DCLK1: variants seen among roughly 807,000 people sequenced by gnomAD.
The protein encoded by DCLK1 is doublecortin like kinase 1, also known as serine/threonine-protein kinase DCLK1.
DCLK1 carries 16 observed loss-of-function variants against 86.2 expected under a neutral mutation model. The ratio of observed to expected loss-of-function variants is 0.19; its 90% CI spans 0.13 to 0.28. DCLK1 has a LOEUF of 0.28. Ranked by LOEUF, DCLK1 falls within the 10% of genes least tolerant of loss-of-function variation. DCLK1 has a pLI of 1.00. For missense variants in DCLK1, 590 were observed against 940.2 expected, an observed-to-expected ratio of 0.63 and a Z score of 4.87; for synonymous variants, 369 against 370.5, an observed-to-expected ratio of 1.00 and a Z score of 0.05.
chr13:35,827,993 T>A (rs1178672285), intron 9 of DCLK1, among the ~76,000 whole-genome samples: 1 of 152,072 alleles, frequency 6.6e-6, no homozygotes, highest in Non-Finnish European at 1.5e-5. Context: ...TAGCAAAGAA[T>A]GGGATGAAAC....
chr13:36,035,934 C>T (rs1021306258), intron 3 of DCLK1, among the ~76,000 whole-genome samples: 66 of 152,082 alleles, frequency 4.3e-4, no homozygotes, highest in African/African-American at 1.5e-3. Flanking sequence ...ATAAAGATAA[C>T]AACATTATCC....
rs1310083894 is a variant in DCLK1, at chr13:36,013,559, C to A, written c.724-66102G>T. On this transcript the variant is annotated intron_variant, in intron 3 of 16. Coordinates refer to ENST00000360631, the MANE Select transcript of DCLK1 (RefSeq NM_001330071.2). The stretch of plus-strand genomic sequence containing the variant: ...CTGCTCGGGGGTCAGGGGTCAGGGA[C>A]CCACTTGAGGAAGCAGTCTGCCCGT... Among the ~76,000 whole-genome samples, 4 of 152,102 alleles carry A rather than the reference C, an allele frequency of 2.6e-5. No individual in the cohort carries two copies. In the East Asian group the frequency reaches 5.8e-4, roughly 22 times the overall value.
At chr13:35,805,631 G>A in intron 15 of DCLK1, 68 bp downstream of exon 15, 1 of 1,483,186 alleles carries the variant, frequency 6.7e-7, no homozygotes, top group Non-Finnish European at 9.3e-7. Flanking sequence ...AATAACATTA[G>A]AAAATCTGCA....
At chr13:35,856,444 C>A (rs1028071322) in intron 5 of DCLK1, among the ~76,000 whole-genome samples, 2 of 152,154 alleles carry the variant, frequency 1.3e-5, no homozygotes. Flanking sequence ...CTTTACCCAC[C>A]CGCATTCTAC....
At chr13:35,788,435 T>C in intron 16 of DCLK1, 4 of 704,360 alleles carry the variant, frequency 5.7e-6, no homozygotes, top group Non-Finnish European at 9.5e-6. Context: ...TAAGTCTGCA[T>C]ACTGACAACA....
intron 4 of DCLK1, among the ~76,000 whole-genome samples, chr13:35,893,841 T>C (rs1044669040): frequency 6.6e-6 from 1 of 152,220 alleles, no homozygotes; most frequent in Non-Finnish European, 1.5e-5. Context: ...TGTGAATAAG[T>C]GCAGGAAAAT....
In DCLK1 at chr13:36,075,502, C is replaced by A. The variant is rs112189245; in HGVS notation, c.723+36367G>T. 8.3e-3 allele frequency among the ~76,000 whole-genome samples: 1,259 copies of A among 152,222 alleles called. 15 individuals carry two copies. Among genetic ancestry groups the A allele is most frequent in the African/African-American group, 0.029 (1,186 of 41,520 alleles). On this transcript the variant is annotated intron_variant, in intron 3 of 16. Coordinates refer to ENST00000360631, the MANE Select transcript of DCLK1 (RefSeq NM_001330071.2). ...CCACCAACTGCCTTATAATTTAGGG[C>A]TCCCAGACAATTTAAAAAAGAGAAG...
chr13:35,896,395 C>T (rs985290121), intron 4 of DCLK1, among the ~76,000 whole-genome samples: 5 of 151,662 alleles, frequency 3.3e-5, no homozygotes, highest in Non-Finnish European at 7.4e-5. Flanking sequence ...AAAAATTAGA[C>T]GGGTATGGTG....
Position 36,126,098 on chromosome 13 carries a change from C to T in DCLK1, c.40G>A (p.Glu14Lys), listed in dbSNP as rs920255390. The T allele has an allele frequency of 1.9e-6, 3 of 1,606,728 alleles. No homozygotes were observed. Among genetic ancestry groups the T allele is most frequent in the Non-Finnish European group, 2.5e-6 (3 of 1,176,856 alleles). Residue 14 changes from glutamate (E) to lysine (K), a missense_variant, in exon 2 of 17, where the codon GAG becomes AAG. This residue lies in a region of DCLK1 where 50 missense variants were observed against 47.8 expected (regional missense o/e 1.05). Coordinates refer to ENST00000360631, the MANE Select transcript of DCLK1 (RefSeq NM_001330071.2). ...GRDMELEHFD[E>K]RDKAQRYSRG... ...CTGTATCTCTGCGCCTTATCCCGCT[C>T]GTCGAAGTGCTCCAGCTCCATGTCT...
intron 3 of DCLK1, among the ~76,000 whole-genome samples, chr13:36,080,881 AAG>A (rs1276094311): frequency 6.6e-6 from 1 of 152,140 alleles, no homozygotes; most frequent in African/African-American, 2.4e-5. Context: ...GGCAATGCCT[AAG>A]AAACATTTTA....
At chr13:35,951,097 C>T (rs1190609081) in intron 3 of DCLK1, among the ~76,000 whole-genome samples, 1 of 151,998 alleles carries the variant, frequency 6.6e-6, no homozygotes. Context: ...CCATCCATGG[C>T]TTACTATCCT....
intron 4 of DCLK1, among the ~76,000 whole-genome samples, chr13:35,941,926 T>G (rs9574961): frequency 6.6e-6 from 1 of 152,116 alleles, no homozygotes; most frequent in Non-Finnish European, 1.5e-5. Flanking sequence ...AAAAGTAAAT[T>G]TCACACGTGC....
At chr13:35,991,247 A>C (rs975474061) in intron 3 of DCLK1, among the ~76,000 whole-genome samples, 1 of 152,160 alleles carries the variant, frequency 6.6e-6, no homozygotes, top group Non-Finnish European at 1.5e-5. Context: ...TTACCATTAG[A>C]TCAGACCTTT....
chr13:35,804,805 A>T (rs527745956), intron 15 of DCLK1, among the ~76,000 whole-genome samples: 3 of 152,228 alleles, frequency 2.0e-5, no homozygotes, highest in Non-Finnish European at 4.4e-5. Context: ...AAAAATAATG[A>T]CTCTGCTCTG....
intron 3 of DCLK1, among the ~76,000 whole-genome samples, chr13:36,027,375 C>T (rs938857011): frequency 6.6e-6 from 1 of 152,248 alleles, no homozygotes; most frequent in Non-Finnish European, 1.5e-5. Context: ...GCTTCCTTGC[C>T]CACTGCTCAC....
chr13:36,000,698 A>G, intron 3 of DCLK1, among the ~76,000 whole-genome samples: 1 of 152,198 alleles, frequency 6.6e-6, no homozygotes, highest in East Asian at 1.9e-4. Context: ...AAGAATAATC[A>G]CAACCTGTTA....
At chr13:35,923,465 C>T (rs1875925676) in intron 4 of DCLK1, among the ~76,000 whole-genome samples, 2 of 151,862 alleles carry the variant, frequency 1.3e-5, no homozygotes, top group South Asian at 4.2e-4. Context: ...TGCCCTGGGC[C>T]TAGGGAACAT....
At position 36,006,192 on chromosome 13, in the gene DCLK1, T is replaced by G. The variant is rs182331903; in HGVS notation, c.724-58735A>C. 5.4e-3 allele frequency among the ~76,000 whole-genome samples: 818 copies of G among 152,210 alleles called. 7 individuals are homozygous for G. The highest frequency in any genetic ancestry group is 0.019 in the African/African-American group (780 of 41,536). On this transcript the variant is annotated intron_variant, in intron 3 of 16. Coordinates refer to ENST00000360631, the MANE Select transcript of DCLK1 (RefSeq NM_001330071.2). Reference sequence around the variant, plus strand: ...GAACTTAAAAGAAAAAAAGAAAGTTTGGATTACATAGAAACTTTTAGGGAA... The same window carrying G: ...GAACTTAAAAGAAAAAAAGAAAGTTGGGATTACATAGAAACTTTTAGGGAA...
chr13:36,094,372 G>C (rs1199416248), intron 3 of DCLK1, among the ~76,000 whole-genome samples: 3 of 152,018 alleles, frequency 2.0e-5, no homozygotes, highest in Admixed American at 2.0e-4. Flanking sequence ...TTTAACCAAT[G>C]GTTATGAATA....
Sources: allele counts gnomAD v4.1 joint callset (sites outside exome capture counted in the v4.1 genomes callset), GRCh38; gene constraint gnomAD v4.1.1; regional missense constraint gnomAD v4.1.1; transcripts MANE v1.5; gene names NCBI Gene and HGNC (gene_info 2026-07-23, HGNC 2026-07-21).